CAMK2G: variants seen among roughly 807,000 people sequenced by gnomAD.
The protein encoded by CAMK2G is calcium/calmodulin dependent protein kinase II gamma, also known as calcium/calmodulin-dependent protein kinase type II subunit gamma.
In CAMK2G, 23 loss-of-function variants were observed where a neutral mutation model predicts 88.7. The ratio of observed to expected loss-of-function variants is 0.26; its 90% CI spans 0.19 to 0.37. CAMK2G has a LOEUF of 0.37. CAMK2G is among the 10% of genes least tolerant of loss of function. The probability of loss-of-function intolerance (pLI) is 1.00; values close to 1 mark genes in which losing one functional copy is unlikely to be tolerated. For synonymous variants in CAMK2G, 263 were observed against 294.8 expected, an observed-to-expected ratio of 0.89 and a Z score of 1.11; for missense variants, 476 against 780.8, an observed-to-expected ratio of 0.61 and a Z score of 4.65.
chr10:73,823,850 G>A (rs912637787), intron 17 of CAMK2G, among the ~76,000 whole-genome samples, 190 bp downstream of exon 17: 1 of 152,220 alleles, frequency 6.6e-6, no homozygotes, highest in African/African-American at 2.4e-5. Context: ...AGGTCTGTCT[G>A]ACTGCAAAGC....
In CAMK2G at chr10:73,849,291, G is replaced by A; in HGVS notation, c.384C>T (p.His128=). 6.2e-7 allele frequency: 1 copy of A among 1,613,860 alleles called. No individual in the cohort carries two copies. Among genetic ancestry groups the A allele is most frequent in the South Asian group, 1.1e-5 (1 of 91,066 alleles). The change falls in exon 6 of 23, where the codon CAC becomes CAT. Residue 128 remains histidine, a synonymous_variant. Coordinates refer to ENST00000423381, the MANE Select transcript of CAMK2G (RefSeq NM_001367534.1). ...GGTCCCTGTGGACGATGTCATGCTG[G>A]TGGATGTGGTTAACACTCTCCAGAA... ...HQILESVNHI[H]QHDIVHRDLK...
chr10:73,862,722 T>C (rs1350356447), intron 2 of CAMK2G, among the ~76,000 whole-genome samples: 1 of 152,226 alleles, frequency 6.6e-6, no homozygotes. Context: ...TGGTGAGAGT[T>C]GAGTTAAGAC....
At chr10:73,843,034 G>A (rs1232570401) in intron 10 of CAMK2G, among the ~76,000 whole-genome samples, 2 of 151,824 alleles carry the variant, frequency 1.3e-5, no homozygotes, top group South Asian at 2.1e-4. Flanking sequence ...GCTAAGGATC[G>A]TCACCTTGAA....
At chr10:73,814,957 C>G (rs1056570916) in intron 22 of CAMK2G, 46 bp downstream of exon 22, 49 of 1,347,298 alleles carry the variant, frequency 3.6e-5, no homozygotes, top group South Asian at 2.7e-4. Flanking sequence ...CTGACCCCAC[C>G]TATCCCAGGC....
At position 73,825,346 on chromosome 10, in the gene CAMK2G, G is replaced by A; in HGVS notation, c.1088C>T (p.Pro363Leu). 6.2e-7 allele frequency: 1 copy of A among 1,613,374 alleles called. No individual in the cohort carries two copies. The highest frequency in any genetic ancestry group is 8.5e-7 in the Non-Finnish European group (1 of 1,179,324). ...GAGACTGTTTTTGTTGTTGCTCTGT[G>A]GCTGAGACAAGAAAACAGATGGTTT... ...RKSSSSVHLM[P>L]QSNNKNSLVS... Residue 363 changes from proline to leucine, a missense_variant and splice_region_variant, in exon 16 of 23, where the codon CCA (proline) becomes CTA (leucine). Physicochemically the swap from Pro to Leu is moderately conservative, Grantham distance 98. Transcript: ENST00000423381.
intron 19 of CAMK2G, 97 bp downstream of exon 19, chr10:73,819,435 G>C: frequency 1.2e-6 from 1 of 823,644 alleles, no homozygotes; most frequent in African/African-American, 1.7e-5. Flanking sequence ...ACTACCACGG[G>C]CAGGTGGGTG....
intron 14 of CAMK2G, among the ~76,000 whole-genome samples, chr10:73,833,687 CCGCAAGGT>C (rs2092823708): frequency 1.3e-5 from 2 of 151,904 alleles, no homozygotes; most frequent in South Asian, 4.2e-4. Context: ...CCTCTGCCCC[CCGCAAGGT>C]TCAAGTGATT....
Position 73,815,038 on chromosome 10 carries a change from C to A in CAMK2G, c.1744G>T (p.Ala582Ser), listed in dbSNP as rs752602871. Residue 582 changes from alanine to serine, a missense_variant, in exon 22 of 23, where the codon GCC (alanine) becomes TCC (serine). Transcript: ENST00000423381. ...GCTCACTGCAGCGGTGCGGCAGGGGCCCCTGAGCAGTGATAGTGGACATTG... is the reference window on the plus strand; with the variant it reads ...GCTCACTGCAGCGGTGCGGCAGGGGACCCTGAGCAGTGATAGTGGACATTG... Reference protein sequence around the residue: ...WLNVHYHCSGAPAAPLQ With the variant: ...WLNVHYHCSGSPAAPLQ 6.2e-7 allele frequency: 1 copy of A among 1,613,034 alleles called. No individual in the cohort carries two copies. Among genetic ancestry groups the A allele is most frequent in the Non-Finnish European group, 8.5e-7 (1 of 1,179,754 alleles).
Position 73,848,066 on chromosome 10 carries a change from G to T in CAMK2G, c.618C>A (p.Ile206=). The change falls in exon 9 of 23, where the codon ATC becomes ATA. Residue 206 remains isoleucine, a synonymous_variant. Transcript: ENST00000423381. This position sits in a 1 kb window ranked among gnomAD's most constrained non-coding sequence, Gnocchi z 4.5. The stretch of plus-strand genomic sequence containing the variant: ...AGAAGGGAGGATAGCCCACCAGGAG[G>T]ATATACAGGATGACCCCTACGAGAC... ...DIWACGVILY[I]LLVGYPPFWD... 1 of 1,604,282 alleles carries T rather than the reference G, an allele frequency of 6.2e-7. No homozygotes were observed. Among genetic ancestry groups the T allele is most frequent in the Non-Finnish European group, 8.5e-7 (1 of 1,171,136 alleles).
At chr10:73,834,027 T>G in intron 14 of CAMK2G, among the ~76,000 whole-genome samples, 1 of 144,600 alleles carries the variant, frequency 6.9e-6, no homozygotes, top group Non-Finnish European at 1.5e-5. Flanking sequence ...CACGCCATTC[T>G]CCTGCCTCAA....
intron 14 of CAMK2G, among the ~76,000 whole-genome samples, chr10:73,834,291 C>T (rs1446896042): frequency 6.6e-6 from 1 of 152,210 alleles, no homozygotes; most frequent in Non-Finnish European, 1.5e-5. Context: ...CCCATCACAA[C>T]GGCTGCGAAT....
chr10:73,839,584 C>A lies in CAMK2G; in HGVS notation c.964G>T (p.Ala322Ser). 1 of 1,233,478 alleles carries A rather than the reference C, an allele frequency of 8.1e-7. No homozygotes were observed. The highest frequency in any genetic ancestry group is 1.0e-6 in the Non-Finnish European group (1 of 987,388). 76.4% of individuals were successfully genotyped at this position (1,233,478 alleles called of 1,614,324 possible). A position where few individuals can be genotyped will look rare whatever the true frequency, so the allele number is the denominator to read the frequency against. The change falls in exon 13 of 23, where the codon GCC becomes TCC. Residue 322 changes from alanine (A) to serine (S), a missense_variant. Ala to Ser is a moderately conservative substitution (Grantham distance 99). This residue lies in a region of CAMK2G where 278 missense variants were observed against 366.5 expected (regional missense o/e 0.76). Coordinates refer to ENST00000423381, the MANE Select transcript of CAMK2G (RefSeq NM_001367534.1). The surrounding 1 kb of genome is among the most constrained non-coding windows in gnomAD (Gnocchi z 4.2). ...GCGCTCGCGGCAGGCGAGGCGGGGG[C>A]GGAGCTCTGCCTGCCAACTGAGGGG... ...RNFSVGRQSS[A>S]PASPAASAAG...
intron 15 of CAMK2G, among the ~76,000 whole-genome samples, chr10:73,826,894 C>CCT (rs1401295363): frequency 5.9e-5 from 9 of 152,304 alleles, no homozygotes; most frequent in African/African-American, 1.9e-4. Flanking sequence ...AAGCCAGGCA[C>CCT]CAAGTGACTC....
At chr10:73,844,050 A>T (rs1015694753) in intron 10 of CAMK2G, among the ~76,000 whole-genome samples, 4 of 152,038 alleles carry the variant, frequency 2.6e-5, no homozygotes, top group Non-Finnish European at 4.4e-5. Flanking sequence ...TCTGGACTAG[A>T]TTCTTCTCTA....
chr10:73,873,153 G>A (rs1250749008), intron 1 of CAMK2G, 70 bp from the exon 2 acceptor site: 2 of 1,161,118 alleles, frequency 1.7e-6, no homozygotes, highest in Non-Finnish European at 1.3e-6. Context: ...CTTCAAGTCT[G>A]GGGACGATGA....
intron 2 of CAMK2G, 108 bp downstream of exon 2, chr10:73,872,881 C>T (rs974235972): frequency 1.3e-6 from 1 of 791,616 alleles, no homozygotes; most frequent in Non-Finnish European, 2.3e-6. Flanking sequence ...AATTCCAACT[C>T]CTCTCCAAGT....
intron 5 of CAMK2G, among the ~76,000 whole-genome samples, chr10:73,849,975 A>G (rs1178566405): frequency 6.6e-6 from 1 of 152,202 alleles, no homozygotes; most frequent in Non-Finnish European, 1.5e-5. Flanking sequence ...GATTTTGCGT[A>G]GAGAAAAAAA....
rs553958535 is a variant in CAMK2G, at chr10:73,863,068, A to C, written c.161-2179T>G. On this transcript the variant is annotated intron_variant, in intron 2 of 22. Coordinates refer to ENST00000423381, the MANE Select transcript of CAMK2G (RefSeq NM_001367534.1). ...TAATGTAGGGATTATGGACTAGAAG[A>C]AATTCACATTTATTGTTTCACTAAC... is the stretch of plus-strand genomic sequence containing the variant. Among the ~76,000 whole-genome samples, 25 of 152,362 alleles carry C rather than the reference A, an allele frequency of 1.6e-4. No homozygotes were observed. In the South Asian group the frequency reaches 3.9e-3, roughly 24 times the overall value.
intron 3 of CAMK2G, among the ~76,000 whole-genome samples, chr10:73,855,839 C>T (rs1411555556): frequency 2.0e-5 from 3 of 152,218 alleles, no homozygotes; most frequent in South Asian, 2.1e-4. Context: ...AGACTGCTAT[C>T]GACATTTTTT....
Sources: allele counts gnomAD v4.1 joint callset (sites outside exome capture counted in the v4.1 genomes callset), GRCh38; gene constraint gnomAD v4.1.1; regional missense constraint gnomAD v4.1.1; non-coding constraint Gnocchi (gnomAD v3.1); transcripts MANE v1.5; gene names NCBI Gene and HGNC (gene_info 2026-07-23, HGNC 2026-07-21).